SDK1: variants seen among roughly 807,000 people sequenced by gnomAD.
SDK1 encodes the protein protein sidekick-1.
A neutral mutation model predicts 245.5 loss-of-function variants in SDK1; 157 were observed. That is an observed-to-expected ratio of 0.64 (90% CI 0.56 to 0.73). SDK1 has a LOEUF of 0.73. Ranked by LOEUF, SDK1 falls within the 30% of genes least tolerant of loss-of-function variation. The probability of loss-of-function intolerance (pLI) is 0.00; values close to 1 mark genes in which losing one functional copy is unlikely to be tolerated. For synonymous variants in SDK1, 1,647 were observed against 1,278.5 expected (o/e 1.29, Z -6.15); for missense variants, 3,583 against 3,002.3 (o/e 1.19, Z -4.52).
intron 1 of SDK1, among the ~76,000 whole-genome samples, chr7:3,405,262 G>T (rs768280959): frequency 6.6e-6 from 1 of 152,100 alleles, no homozygotes; most frequent in African/African-American, 2.4e-5. Context: ...GAGTACTCTG[G>T]TATTATAGGA....
Position 4,113,359 on chromosome 7 carries a change from C to A in SDK1, c.3505C>A (p.Leu1169Met). ...YSPSSRVIQTLQAPPDVAPTS... is the reference protein window; with the variant it reads ...YSPSSRVIQTMQAPPDVAPTS... The stretch of plus-strand genomic sequence containing the variant: ...TCCGTCTTCCCGGGTCATCCAGACC[C>A]TGCAGGCCCCACCCGACGTGGCTCC... Residue 1169 changes from leucine to methionine, a missense_variant, in exon 24 of 45, where the codon CTG becomes ATG. Physicochemically the swap from Leu to Met is conservative, Grantham distance 15. Coordinates refer to ENST00000404826, the MANE Select transcript of SDK1 (RefSeq NM_152744.4). 1.2e-6 allele frequency: 2 copies of A among 1,613,996 alleles called. No homozygotes were observed. The highest frequency in any genetic ancestry group is 1.7e-6 in the Non-Finnish European group (2 of 1,180,032).
At chr7:3,390,187 C>A (rs1433504346) in intron 1 of SDK1, among the ~76,000 whole-genome samples, 1 of 152,146 alleles carries the variant, frequency 6.6e-6, no homozygotes, top group Non-Finnish European at 1.5e-5. Context: ...TAACTGTGGT[C>A]TGCAGCTTCA....
chr7:4,206,018 C>G (rs774318700), intron 36 of SDK1, 24 bp downstream of exon 36: 110 of 1,454,660 alleles, frequency 7.6e-5, no homozygotes, highest in Non-Finnish European at 9.7e-5. Context: ...GTGCGGTTGC[C>G]TCCCCTGGCT....
At chr7:4,022,983 C>G (rs1787041181) in intron 17 of SDK1, among the ~76,000 whole-genome samples, 1 of 151,994 alleles carries the variant, frequency 6.6e-6, no homozygotes, top group Admixed American at 6.6e-5. Context: ...GCCGTGTTAC[C>G]CAGGATGGTC....
rs552008897 is a variant in SDK1, at chr7:4,072,670, C to T, written c.3011-4328C>T. Among the ~76,000 whole-genome samples the T allele has an allele frequency of 2.0e-4, 31 of 152,328 alleles. 1 individual carries two copies. Among genetic ancestry groups the T allele is most frequent in the African/African-American group, 5.1e-4 (21 of 41,568 alleles). On this transcript the variant is annotated intron_variant, in intron 20 of 44. Coordinates refer to ENST00000404826, the MANE Select transcript of SDK1 (RefSeq NM_152744.4). ...CTGCCGGTTTCTGGAAGTGTTGGTG[C>T]GGCACCACCATGCTCTCGCAGGCTT... is the stretch of plus-strand genomic sequence containing the variant.
chr7:3,752,000 G>A lies in SDK1; in HGVS notation c.714-69450G>A, dbSNP rs1482425361. Among the ~76,000 whole-genome samples the A allele has an allele frequency of 6.6e-5, 10 of 152,322 alleles. No homozygotes were observed. The South Asian group carries it at 1.9e-3, about 28-fold the overall frequency. On this transcript the variant is annotated intron_variant, in intron 4 of 44. Transcript: ENST00000404826. ...TTGAGATAGGCAGAAGAGGAAACAA[G>A]CTTTCAGCCAATGGGAAAAGTACTC...
At chr7:4,153,416 T>G (rs1451296600) in intron 30 of SDK1, among the ~76,000 whole-genome samples, 1 of 152,098 alleles carries the variant, frequency 6.6e-6, no homozygotes, top group African/African-American at 2.4e-5. Context: ...TGAAACCCTG[T>G]CTCTACTAAA....
intron 22 of SDK1, among the ~76,000 whole-genome samples, chr7:4,096,802 A>C (rs938375600): frequency 6.6e-6 from 1 of 151,980 alleles, no homozygotes; most frequent in Non-Finnish European, 1.5e-5. Context: ...AGCGCCACAT[A>C]GGAGCTGAGA....
chr7:3,716,904 AAAG>A (rs542337372), intron 4 of SDK1, among the ~76,000 whole-genome samples: 4 of 152,324 alleles, frequency 2.6e-5, no homozygotes, highest in African/African-American at 7.2e-5. Context: ...TACAGAAAAG[AAAG>A]AAGAACAAAT....
chr7:4,054,134 T>C (rs1415763869), intron 19 of SDK1, among the ~76,000 whole-genome samples: 2 of 152,058 alleles, frequency 1.3e-5, no homozygotes, highest in Non-Finnish European at 2.9e-5. Context: ...AGAGATGGGG[T>C]TTCACCATGT....
intron 1 of SDK1, among the ~76,000 whole-genome samples, chr7:3,554,667 G>A (rs1223837623): frequency 6.6e-6 from 1 of 152,180 alleles, no homozygotes; most frequent in East Asian, 1.9e-4. Context: ...GAGAGTAGGA[G>A]AGATAGTCTT....
intron 20 of SDK1, among the ~76,000 whole-genome samples, chr7:4,072,884 G>C (rs556707355): frequency 6.6e-6 from 1 of 152,238 alleles, no homozygotes; most frequent in Non-Finnish European, 1.5e-5. Context: ...AGGGAAGCAC[G>C]GAGTAGGGGG....
intron 4 of SDK1, among the ~76,000 whole-genome samples, chr7:3,651,848 G>C (rs1300938874): frequency 2.0e-5 from 3 of 152,180 alleles, no homozygotes; most frequent in East Asian, 3.9e-4. Flanking sequence ...GAACAGAGGG[G>C]AATGATGTCT....
At chr7:3,937,666 C>G (rs1366585792) in intron 5 of SDK1, among the ~76,000 whole-genome samples, 2 of 152,114 alleles carry the variant, frequency 1.3e-5, no homozygotes, top group Non-Finnish European at 2.9e-5. Flanking sequence ...AGCTTTGTGC[C>G]AGGGAGCTCC....
rs1016841092 is a variant in SDK1 at position 3,417,041 on chromosome 7, G to A, written c.298+115157G>A. Among the ~76,000 whole-genome samples the A allele has an allele frequency of 2.0e-5, 3 of 152,086 alleles. No individual in the cohort carries two copies. The East Asian group carries it at 5.8e-4, about 29-fold the overall frequency. On this transcript the variant is annotated intron_variant, in intron 1 of 44. Coordinates refer to ENST00000404826, the MANE Select transcript of SDK1 (RefSeq NM_152744.4). ...ATACAAAAATTAGCTGGGCATGATG[G>A]CATGCGACTGTAATCCTAGCTACCG...
intron 5 of SDK1, among the ~76,000 whole-genome samples, chr7:3,862,303 C>T (rs1377953515): frequency 6.6e-6 from 1 of 152,182 alleles, no homozygotes; most frequent in African/African-American, 2.4e-5. Context: ...TCAAGTTCCC[C>T]AGGTAATTTC....
At chr7:3,768,819 C>T (rs904337906) in intron 4 of SDK1, among the ~76,000 whole-genome samples, 1 of 152,234 alleles carries the variant, frequency 6.6e-6, no homozygotes, top group South Asian at 2.1e-4. Context: ...TCTACCCTCT[C>T]CATGACCCAA....
At chr7:3,498,216 G>C (rs569687898) in intron 1 of SDK1, among the ~76,000 whole-genome samples, 45 of 152,270 alleles carry the variant, frequency 3.0e-4, no homozygotes, top group African/African-American at 1.1e-3. Context: ...CTTGAAAAAA[G>C]TCAACTTTTA....
At chr7:3,551,979 G>C (rs1457433054) in intron 1 of SDK1, among the ~76,000 whole-genome samples, 1 of 152,038 alleles carries the variant, frequency 6.6e-6, no homozygotes, top group Admixed American at 6.5e-5. Context: ...ACTATGGCCT[G>C]GGTCGTTCGG....
Sources: gnomAD v4.1 joint callset for allele counts (sites outside exome capture counted in the v4.1 genomes callset) on GRCh38, gnomAD v4.1.1 for gene constraint, MANE v1.5 for transcripts, NCBI Gene and HGNC (gene_info 2026-07-23, HGNC 2026-07-21) for gene names.